The following PACSIN2 variants were observed in gnomAD, a reference collection of about 807,000 sequenced individuals.
PACSIN2 encodes the protein protein kinase C and casein kinase substrate in neurons 2.
Under a neutral mutation model 63.8 loss-of-function variants are expected in PACSIN2, and 25 were observed. That is an observed-to-expected ratio of 0.39 (90% CI 0.29 to 0.55). The LOEUF (loss-of-function observed/expected upper bound fraction) is 0.55. PACSIN2 is among the 20% of genes least tolerant of loss of function. The pLI is 0.62. For missense variants in PACSIN2, 518 were observed against 646.9 expected, an observed-to-expected ratio of 0.80 and a Z score of 2.16; for synonymous variants, 255 against 256.2, an observed-to-expected ratio of 1.00 and a Z score of 0.05.
intron 1 of PACSIN2, among the ~76,000 whole-genome samples, chr22:42,987,397 T>C (rs1922691251): frequency 6.8e-6 from 1 of 146,724 alleles, no homozygotes; most frequent in African/African-American, 2.5e-5. Context: ...CCGAGGGACC[T>C]CACTGGCCAC....
chr22:42,967,659 C>T (rs192518950), intron 1 of PACSIN2, among the ~76,000 whole-genome samples: 147 of 152,156 alleles, frequency 9.7e-4, no homozygotes, highest in Admixed American at 1.8e-3. Context: ...GAGGCCGAGG[C>T]GGGCGGATCA....
chr22:42,952,650 AC>A (rs1400647806), intron 1 of PACSIN2, among the ~76,000 whole-genome samples: 14 of 139,364 alleles, frequency 1.0e-4, no homozygotes, highest in African/African-American at 3.8e-4. Context: ...GAGCCACCAC[AC>A]CCGGCCTATT....
chr22:42,949,138 A>G (rs1933565193), intron 1 of PACSIN2, among the ~76,000 whole-genome samples: 2 of 152,178 alleles, frequency 1.3e-5, no homozygotes, highest in African/African-American at 4.8e-5. Context: ...ATAAGGACAA[A>G]ACATTTCTTA....
intron 1 of PACSIN2, among the ~76,000 whole-genome samples, chr22:42,935,944 T>C (rs572221486): frequency 4.3e-4 from 65 of 152,300 alleles, no homozygotes; most frequent in Admixed American, 9.2e-4. Context: ...CAGGGCACGG[T>C]GGCTCACGCC....
chr22:43,001,909 C>T (rs541615689), intron 1 of PACSIN2, among the ~76,000 whole-genome samples: 2 of 152,144 alleles, frequency 1.3e-5, no homozygotes, highest in Non-Finnish European at 2.9e-5. Context: ...CTGCTAAGCA[C>T]CTTGTCCTTT....
intron 2 of PACSIN2, among the ~76,000 whole-genome samples, chr22:42,894,900 T>C (rs1930171484): frequency 6.6e-6 from 1 of 150,586 alleles, no homozygotes; most frequent in Admixed American, 6.7e-5. Context: ...TCTCTTTGCC[T>C]GGCCCTGCAC....
chr22:42,896,064 T>G (rs576033543), intron 2 of PACSIN2, among the ~76,000 whole-genome samples: 2 of 152,160 alleles, frequency 1.3e-5, no homozygotes, highest in African/African-American at 4.8e-5. Context: ...CACTACAGGG[T>G]ACACTTAGAT....
chr22:42,887,461 T>A (rs1307446416), intron 5 of PACSIN2, among the ~76,000 whole-genome samples: 1 of 152,148 alleles, frequency 6.6e-6, no homozygotes. Context: ...GGCTGGTGGG[T>A]AGTGAAACCA....
At position 42,893,941 on chromosome 22, in the gene PACSIN2, C is replaced by T. The variant is rs1041929015; in HGVS notation, c.61-328G>A. Among the ~76,000 whole-genome samples the T allele has an allele frequency of 5.3e-5, 8 of 152,074 alleles. 1 individual carries two copies. Among genetic ancestry groups the T allele is most frequent in the Admixed American group, 3.9e-4 (6 of 15,264 alleles). On this transcript the variant is annotated intron_variant, in intron 2 of 10. Coordinates refer to ENST00000263246, the MANE Select transcript of PACSIN2 (RefSeq NM_001184970.3). The stretch of plus-strand genomic sequence containing the variant: ...TGAGGATGCCTAAACGGGCACCTCA[C>T]GCAGACTGAGGGGCTGGGGCTGGCT...
At chr22:42,911,098 G>A (rs1049848692) in intron 2 of PACSIN2, among the ~76,000 whole-genome samples, 3 of 151,864 alleles carry the variant, frequency 2.0e-5, no homozygotes, top group Non-Finnish European at 2.9e-5. Flanking sequence ...TAGAGATGGG[G>A]TTTCACCATG....
At chr22:42,914,530 A>G (rs565242014) in intron 1 of PACSIN2, among the ~76,000 whole-genome samples, 2 of 152,134 alleles carry the variant, frequency 1.3e-5, no homozygotes, top group Admixed American at 1.3e-4. Context: ...CCTTTTTTCT[A>G]TGGAATCCTA....
intron 1 of PACSIN2, among the ~76,000 whole-genome samples, chr22:42,960,636 G>A (rs1206871285): frequency 1.3e-5 from 2 of 152,168 alleles, no homozygotes; most frequent in Non-Finnish European, 2.9e-5. Flanking sequence ...CATGCTGTAC[G>A]ATTCCCTTTG....
chr22:42,895,875 G>A (rs75837676), intron 2 of PACSIN2, among the ~76,000 whole-genome samples: 1,619 of 152,322 alleles, frequency 0.011, 28 homozygotes, highest in African/African-American at 0.036. Flanking sequence ...TTAATGAAAC[G>A]GTTGTGTGGT....
chr22:42,901,890 G>C (rs556926987), intron 2 of PACSIN2, among the ~76,000 whole-genome samples: 1 of 152,310 alleles, frequency 6.6e-6, no homozygotes, highest in African/African-American at 2.4e-5. Context: ...TTCCTTCCGT[G>C]GTTCAGCTCG....
intron 1 of PACSIN2, among the ~76,000 whole-genome samples, chr22:42,935,595 T>C (rs898177820): frequency 6.6e-6 from 1 of 152,216 alleles, no homozygotes; most frequent in Non-Finnish European, 1.5e-5. Context: ...GCAACACAAA[T>C]TATTCATCAA....
In PACSIN2 at chr22:42,879,004, C is replaced by T. The variant is rs371873637; in HGVS notation, c.1028+44G>A. On this transcript the variant is annotated intron_variant, in intron 8 of 10. Coordinates refer to ENST00000263246, the MANE Select transcript of PACSIN2 (RefSeq NM_001184970.3). ...GACCATGCAGATTGCCCAGGGCCCC[C>T]ACCATGGAACGGCCTCTTTTGGATG... The T allele has an allele frequency of 5.4e-5, 86 of 1,591,616 alleles. No homozygotes were observed. In the African/African-American group the frequency reaches 1.0e-3, roughly 19 times the overall value.
Position 42,999,965 on chromosome 22 carries a change from T to C in PACSIN2, c.-78+15056A>G, listed in dbSNP as rs78339221. ...TCTCTAAGGGCAATGCCATCACAAG[T>C]GCAGGGCACACATTCATGCATCCCA... On this transcript the variant is annotated intron_variant, in intron 1 of 10. Coordinates refer to ENST00000263246, the MANE Select transcript of PACSIN2 (RefSeq NM_001184970.3). 5.3e-5 allele frequency among the ~76,000 whole-genome samples: 8 copies of C among 152,366 alleles called. No homozygotes were observed. The East Asian group carries it at 1.5e-3, about 29-fold the overall frequency.
chr22:42,942,017 T>C (rs1410740730), intron 1 of PACSIN2, among the ~76,000 whole-genome samples: 3 of 152,128 alleles, frequency 2.0e-5, no homozygotes, highest in Non-Finnish European at 4.4e-5. Flanking sequence ...CCTCAGGTGA[T>C]CTGCCCGCCT....
At chr22:42,889,766 T>C (rs1929768111) in intron 4 of PACSIN2, among the ~76,000 whole-genome samples, 1 of 152,124 alleles carries the variant, frequency 6.6e-6, no homozygotes, top group African/African-American at 2.4e-5. Flanking sequence ...GGTGGACAGA[T>C]GACAGCCTCC....
Sources: allele counts gnomAD v4.1 joint callset (sites outside exome capture counted in the v4.1 genomes callset), GRCh38; gene constraint gnomAD v4.1.1; transcripts MANE v1.5; gene names NCBI Gene and HGNC (gene_info 2026-07-23, HGNC 2026-07-21).